NCAM2: variants seen among roughly 807,000 people sequenced by gnomAD.
NCAM2 encodes the protein neural cell adhesion molecule 2, also known as N-CAM-2.
In NCAM2, 30 loss-of-function variants were observed where a neutral mutation model predicts 98.1. That is an observed-to-expected ratio of 0.31 (90% confidence interval 0.23 to 0.41). The LOEUF (loss-of-function observed/expected upper bound fraction) is 0.41. NCAM2 is among the 10% of genes least tolerant of loss of function. The pLI, the probability that NCAM2 is intolerant of heterozygous loss-of-function variation, is 1.00. For synonymous variants in NCAM2, 368 were observed against 342.4 expected (o/e 1.07, Z -0.83); for missense variants, 867 against 1,005.8 (o/e 0.86, Z 1.87).
intron 5 of NCAM2, among the ~76,000 whole-genome samples, chr21:21,308,560 C>T (rs1004087293): frequency 1.3e-4 from 20 of 152,028 alleles, no homozygotes; most frequent in African/African-American, 4.8e-4. Flanking sequence ...TTTGCTTTAT[C>T]GCTTTTCTTA....
intron 1 of NCAM2, among the ~76,000 whole-genome samples, chr21:21,040,045 T>G (rs1009828251): frequency 6.6e-6 from 1 of 152,182 alleles, no homozygotes; most frequent in African/African-American, 2.4e-5. Context: ...CGCTAGCACA[T>G]TGTAATTCTC....
rs1052213495 is a variant in NCAM2, at chr21:21,477,468, A to C, written c.2074A>C (p.Lys692Gln). The C allele has an allele frequency of 6.3e-7, 1 of 1,587,988 alleles. No individual in the cohort carries two copies. Among genetic ancestry groups the C allele is most frequent in the African/African-American group, 1.3e-5 (1 of 74,234 alleles). ...CATGCCACCAAAGCCCAACATTATT[A>C]AAGGTAAGCAAAACTATATTCTTTT... is the stretch of plus-strand genomic sequence containing the variant. ...FSMPPKPNII[K>Q]DTLFNGLGLG... Residue 692 changes from lysine to glutamine, a missense_variant, in exon 15 of 18, where the codon AAA becomes CAA. This residue lies in a region of NCAM2 where 234 missense variants were observed against 333.8 expected (regional missense o/e 0.70). Transcript: ENST00000400546.
At chr21:21,273,522 C>T (rs2072609483) in intron 1 of NCAM2, among the ~76,000 whole-genome samples, 1 of 151,940 alleles carries the variant, frequency 6.6e-6, no homozygotes, top group Non-Finnish European at 1.5e-5. Flanking sequence ...GGCAGTATCT[C>T]ATTCTTAAGT....
chr21:21,512,487 A>T (rs1004394649), intron 16 of NCAM2, among the ~76,000 whole-genome samples: 2 of 151,898 alleles, frequency 1.3e-5, no homozygotes, highest in Admixed American at 6.6e-5. Context: ...TTTGTTTATT[A>T]TACCTTTGTA....
At chr21:21,241,606 C>CA (rs963819085) in intron 1 of NCAM2, among the ~76,000 whole-genome samples, 1 of 152,036 alleles carries the variant, frequency 6.6e-6, no homozygotes, top group African/African-American at 2.4e-5. Context: ...GGTCTAATGG[C>CA]AAGCAGTCTA....
rs114530048 is a variant in NCAM2 at position 21,395,363 on chromosome 21, A to T, written c.1196-14911A>T. On this transcript the variant is annotated intron_variant, in intron 9 of 17. Coordinates refer to ENST00000400546, the MANE Select transcript of NCAM2 (RefSeq NM_004540.5). ...TCTCAAAGAAAAAAAAAGAAAAATAATTTTTAAATTAGGGAGATAGAACAT... is the reference window on the plus strand; with the variant it reads ...TCTCAAAGAAAAAAAAAGAAAAATATTTTTTAAATTAGGGAGATAGAACAT... Among the ~76,000 whole-genome samples the T allele has an allele frequency of 4.1e-3, 620 of 152,300 alleles. 4 individuals carry two copies. Among genetic ancestry groups the T allele is most frequent in the African/African-American group, 0.014 (580 of 41,556 alleles).
At chr21:21,125,648 A>G (rs1404935386) in intron 1 of NCAM2, among the ~76,000 whole-genome samples, 3 of 137,958 alleles carry the variant, frequency 2.2e-5, no homozygotes, top group Non-Finnish European at 3.1e-5. Flanking sequence ...TTTTACGTGT[A>G]TATGTAGAGA....
rs182615322 is a variant in NCAM2, at chr21:21,412,116, T to C, written c.1383+1655T>C. 7.8e-4 allele frequency among the ~76,000 whole-genome samples: 119 copies of C among 152,336 alleles called. 2 individuals carry two copies. The highest frequency in any genetic ancestry group is 1.2e-3 in the Non-Finnish European group (85 of 68,028). ...TGGTTGAAATCACAGAAATTTGTTC[T>C]GAGTTCTGGAGGATAGAGGTTCAAT... On this transcript the variant is annotated intron_variant, in intron 10 of 17. Coordinates refer to ENST00000400546, the MANE Select transcript of NCAM2 (RefSeq NM_004540.5).
In NCAM2 at chr21:21,394,469, C is replaced by CTTTTTTTTTTTT. The variant is rs532068473; in HGVS notation, c.1196-15779_1196-15768dup. ...GACCTTAGTTAATTTAAGGGGCCAG[C>CTTTTTTTTTTTT]TTTTTTTTTTTTTTTTTTTTTTTTT... On this transcript the variant is annotated intron_variant, in intron 9 of 17. Coordinates refer to ENST00000400546, the MANE Select transcript of NCAM2 (RefSeq NM_004540.5). Among the ~76,000 whole-genome samples the CTTTTTTTTTTTT allele has an allele frequency of 1.0e-3, 59 of 57,668 alleles. 9 individuals are homozygous for CTTTTTTTTTTTT. The highest frequency in any genetic ancestry group is 1.6e-3 in the South Asian group (2 of 1,264). The allele number at this position is 57,668 out of a possible 152,430, so 37.8% of individuals were successfully genotyped here.
intron 1 of NCAM2, among the ~76,000 whole-genome samples, chr21:21,272,498 G>GCA (rs1491338161): frequency 5.2e-3 from 27 of 5,152 alleles, no homozygotes; most frequent in South Asian, 0.034. Context: ...ACACACACAT[G>GCA]CGCGCGCGCG....
At chr21:21,267,493 A>T (rs973293121) in intron 1 of NCAM2, among the ~76,000 whole-genome samples, 1 of 152,208 alleles carries the variant, frequency 6.6e-6, no homozygotes, top group Non-Finnish European at 1.5e-5. Context: ...GTCAGTCAAC[A>T]TCATCAAATG....
At chr21:21,230,259 A>G (rs1343869279) in intron 1 of NCAM2, among the ~76,000 whole-genome samples, 5 of 151,394 alleles carry the variant, frequency 3.3e-5, no homozygotes, top group South Asian at 4.1e-4. Context: ...ATTTTTCTAT[A>G]TTCATCTCAT....
intron 1 of NCAM2, among the ~76,000 whole-genome samples, chr21:21,172,553 A>AAT (rs1366475089): frequency 1.3e-5 from 2 of 152,174 alleles, no homozygotes; most frequent in African/African-American, 4.8e-5. Context: ...ATATAACTAT[A>AAT]TAATCACTTG....
chr21:21,110,119 A>G (rs2826657), intron 1 of NCAM2, among the ~76,000 whole-genome samples: 48,195 of 152,108 alleles, frequency 0.32, 9,565 homozygotes, highest in Non-Finnish European at 0.45. Context: ...AGTCCAAAGC[A>G]TTTGCAGCAT....
At chr21:21,198,698 G>A (rs143474865) in intron 1 of NCAM2, among the ~76,000 whole-genome samples, 1 of 152,254 alleles carries the variant, frequency 6.6e-6, no homozygotes, top group African/African-American at 2.4e-5. Flanking sequence ...TGTTCTTTAA[G>A]ACCCCTGCCT....
intron 12 of NCAM2, among the ~76,000 whole-genome samples, chr21:21,449,057 C>T (rs1324614222): frequency 2.0e-5 from 3 of 151,996 alleles, no homozygotes; most frequent in African/African-American, 7.2e-5. Context: ...AATTACTTGT[C>T]TGCTAGAAAC....
At chr21:21,251,151 T>C (rs1266794435) in intron 1 of NCAM2, among the ~76,000 whole-genome samples, 1 of 152,114 alleles carries the variant, frequency 6.6e-6, no homozygotes, top group Non-Finnish European at 1.5e-5. Flanking sequence ...GCCAGAATTA[T>C]TATTTTATTT....
chr21:21,392,652 T>G (rs1437640832), intron 9 of NCAM2, among the ~76,000 whole-genome samples: 1 of 152,190 alleles, frequency 6.6e-6, no homozygotes, highest in African/African-American at 2.4e-5. Context: ...CTCACTGATG[T>G]GAGATGGGTA....
At chr21:21,494,421 A>T (rs1042542138) in intron 15 of NCAM2, among the ~76,000 whole-genome samples, 1 of 151,352 alleles carries the variant, frequency 6.6e-6, no homozygotes, top group African/African-American at 2.4e-5. Flanking sequence ...AGAACTAAAA[A>T]TAAAATTATT....
Sources: gnomAD v4.1 joint callset for allele counts (sites outside exome capture counted in the v4.1 genomes callset) on GRCh38, gnomAD v4.1.1 for gene constraint, gnomAD v4.1.1 regional missense constraint, MANE v1.5 for transcripts, NCBI Gene and HGNC (gene_info 2026-07-23, HGNC 2026-07-21) for gene names.